MYOCD: variants seen among roughly 807,000 people sequenced by gnomAD.
The protein encoded by MYOCD is myocardin.
A neutral mutation model predicts 96.1 loss-of-function variants in MYOCD; 32 were observed. The observed-to-expected ratio is 0.33, with a 90% CI of 0.25 to 0.45. The LOEUF (loss-of-function observed/expected upper bound fraction) is 0.45. MYOCD is among the 20% of genes least tolerant of loss of function. The pLI is 1.00. For synonymous variants in MYOCD, 469 were observed against 469.0 expected (o/e 1.00, Z 0.00); for missense variants, 1,133 against 1,200.6 (o/e 0.94, Z 0.83).
chr17:12,681,117 A>C (rs1312347220), intron 1 of MYOCD, among the ~76,000 whole-genome samples: 1 of 152,164 alleles, frequency 6.6e-6, no homozygotes, highest in East Asian at 1.9e-4. Context: ...GATCTCATGC[A>C]CCTTTGGATT....
chr17:12,668,765 C>T (rs138086510), intron 1 of MYOCD, among the ~76,000 whole-genome samples: 354 of 151,686 alleles, frequency 2.3e-3, no homozygotes, highest in African/African-American at 8.1e-3. Flanking sequence ...ACTTGCCTCA[C>T]CTGAATAAAG....
At chr17:12,708,723 A>G (rs1195472717) in intron 2 of MYOCD, among the ~76,000 whole-genome samples, 1 of 152,086 alleles carries the variant, frequency 6.6e-6, no homozygotes, top group Admixed American at 6.5e-5. Context: ...CGACAGAAGC[A>G]CCTGCCACCA....
At chr17:12,747,269 A>G (rs973192711) in intron 9 of MYOCD, among the ~76,000 whole-genome samples, 1 of 152,198 alleles carries the variant, frequency 6.6e-6, no homozygotes, top group African/African-American at 2.4e-5. Flanking sequence ...GTGAGTGGAA[A>G]GAGAGAGATG....
chr17:12,744,745 A>G lies in MYOCD; in HGVS notation c.971+309A>G, dbSNP rs145914131. Among the ~76,000 whole-genome samples the G allele has an allele frequency of 2.8e-3, 432 of 152,352 alleles. 4 individuals are homozygous for G. The highest frequency in any genetic ancestry group is 9.8e-3 in the African/African-American group (407 of 41,588). On this transcript the variant is annotated intron_variant, in intron 8 of 13. Coordinates refer to ENST00000425538, the MANE Select transcript of MYOCD (RefSeq NM_001146312.3). Reference sequence around the variant, plus strand: ...TTTCTTAGGCATATATACCTGTGATAAGGTTTCACTTATAAATTAGGCACA... The same window carrying G: ...TTTCTTAGGCATATATACCTGTGATGAGGTTTCACTTATAAATTAGGCACA...
chr17:12,723,872 C>T (rs1223010832), intron 5 of MYOCD, among the ~76,000 whole-genome samples: 2 of 152,104 alleles, frequency 1.3e-5, no homozygotes, highest in Non-Finnish European at 2.9e-5. Flanking sequence ...GCATTTTATC[C>T]AAAACTAAGT....
chr17:12,739,355 T>C (rs774373349), intron 7 of MYOCD, 27 bp downstream of exon 7: 4 of 1,510,396 alleles, frequency 2.6e-6, no homozygotes, highest in East Asian at 2.4e-5. Context: ...CTCCAAGCCC[T>C]GCCTGAGCGC....
chr17:12,758,146 T>C lies in MYOCD; in HGVS notation c.2264T>C (p.Phe755Ser). Reference sequence around the variant, plus strand: ...AAGTTTTCAATTCCATCCCCAACTTTTTCTAAGTCAAGTTCAGCAATTTCA... The same window carrying C: ...AAGTTTTCAATTCCATCCCCAACTTCTTCTAAGTCAAGTTCAGCAATTTCA... ...GPKFSIPSPTFSKSSSAISEV... is the reference protein window; with the variant it reads ...GPKFSIPSPTSSKSSSAISEV... Residue 755 changes from phenylalanine (F) to serine (S), a missense_variant, in exon 12 of 14, where the codon TTT (phenylalanine) becomes TCT (serine). Phe to Ser is a radical substitution (Grantham distance 155). Coordinates refer to ENST00000425538, the MANE Select transcript of MYOCD (RefSeq NM_001146312.3). 1 of 1,614,188 alleles carries C rather than the reference T, an allele frequency of 6.2e-7. No homozygotes were observed. Among genetic ancestry groups the C allele is most frequent in the Non-Finnish European group, 8.5e-7 (1 of 1,180,030 alleles).
intron 10 of MYOCD, among the ~76,000 whole-genome samples, chr17:12,755,481 A>C (rs770834783): frequency 1.3e-5 from 2 of 152,094 alleles, no homozygotes; most frequent in African/African-American, 2.4e-5. Flanking sequence ...ACAGTGGCTC[A>C]TGCCTGTAAT....
chr17:12,722,863 G>T lies in MYOCD; in HGVS notation c.270G>T (p.Arg90Ser). The T allele has an allele frequency of 1.2e-6, 2 of 1,613,438 alleles. No homozygotes were observed. Among genetic ancestry groups the T allele is most frequent in the Non-Finnish European group, 1.7e-6 (2 of 1,179,690 alleles). The change falls in exon 5 of 14, where the codon AGG (arginine) becomes AGT (serine). Residue 90 changes from arginine (R) to serine (S), a missense_variant. Coordinates refer to ENST00000425538, the MANE Select transcript of MYOCD (RefSeq NM_001146312.3). The part of the protein sequence containing the change: ...MHILQASTAE[R>S]SIPTAQMKLK... ...ACCCTTTAGCTTCCACTGCAGAGAG[G>T]TCCATTCCAACTGCTCAGATGAAGC...
chr17:12,756,571 A>C lies in MYOCD; in HGVS notation c.2202+14A>C. On this transcript the variant is annotated intron_variant, in intron 11 of 13. Coordinates refer to ENST00000425538, the MANE Select transcript of MYOCD (RefSeq NM_001146312.3). ...GTACAGCAAAAGGTAGGCACCTGAA[A>C]AAAGGCCTCAACCTGGGATTCACTT... The C allele has an allele frequency of 1.3e-6, 2 of 1,546,960 alleles. No individual in the cohort carries two copies. Among genetic ancestry groups the C allele is most frequent in the East Asian group, 2.5e-5 (1 of 40,788 alleles).
intron 5 of MYOCD, among the ~76,000 whole-genome samples, chr17:12,728,091 T>C (rs140507162): frequency 4.4e-4 from 67 of 152,278 alleles, no homozygotes; most frequent in African/African-American, 1.5e-3. Flanking sequence ...ACCAAAAGCA[T>C]TGTGTTACAT....
chr17:12,749,682 C>T (rs1567598143), intron 9 of MYOCD, among the ~76,000 whole-genome samples: 1 of 145,416 alleles, frequency 6.9e-6, no homozygotes, highest in African/African-American at 2.5e-5. Context: ...TATACACATA[C>T]ATATGTGTAT....
Position 12,745,990 on chromosome 17 carries a change from C to A in MYOCD, c.1043C>A (p.Pro348His). The A allele has an allele frequency of 6.2e-7, 1 of 1,614,204 alleles. No individual in the cohort carries two copies. The highest frequency in any genetic ancestry group is 8.5e-7 in the Non-Finnish European group (1 of 1,180,018). The change falls in exon 9 of 14, where the codon CCT becomes CAT. Residue 348 changes from proline (P) to histidine (H), a missense_variant. Pro to His is a moderately conservative substitution (Grantham distance 77, BLOSUM62 -2). Transcript: ENST00000425538. ...STPLSNTPLSPVKNSFSGQTG... is the reference protein window; with the variant it reads ...STPLSNTPLSHVKNSFSGQTG... ...CCACTGAGCAATACCCCCTTGTCTC[C>A]TGTCAAAAACAGTTTTTCTGGACAA...
At chr17:12,742,493 C>G (rs188318568) in intron 7 of MYOCD, among the ~76,000 whole-genome samples, 2 of 152,266 alleles carry the variant, frequency 1.3e-5, no homozygotes, top group South Asian at 2.1e-4. Flanking sequence ...TTCCAATGTT[C>G]CCCCAAATCC....
intron 4 of MYOCD, among the ~76,000 whole-genome samples, chr17:12,719,203 A>AAAAAAAAAAAAAAAAACAT (rs2031746042): frequency 6.8e-6 from 1 of 147,988 alleles, no homozygotes; most frequent in Non-Finnish European, 1.5e-5. Context: ...AAAAAAAAAA[A>AAAAAAAAAAAAAAAAACAT]AGACATACAG....
At chr17:12,680,256 G>A (rs547610455) in intron 1 of MYOCD, among the ~76,000 whole-genome samples, 19 of 152,262 alleles carry the variant, frequency 1.2e-4, no homozygotes, top group Middle Eastern at 3.4e-3. Flanking sequence ...GATGCCCACG[G>A]TTAACCTCAT....
chr17:12,720,797 C>T (rs1010203855), intron 4 of MYOCD, among the ~76,000 whole-genome samples: 1 of 151,930 alleles, frequency 6.6e-6, no homozygotes, highest in Admixed American at 6.6e-5. Context: ...CCGAGGCGGG[C>T]GGATCATAAG....
At chr17:12,695,030 A>T (rs1468234338) in intron 1 of MYOCD, among the ~76,000 whole-genome samples, 4 of 152,102 alleles carry the variant, frequency 2.6e-5, no homozygotes, top group Non-Finnish European at 4.4e-5. Flanking sequence ...TTATAATGTG[A>T]TCCCACACAA....
rs200094820 is a variant in MYOCD at position 12,752,522 on chromosome 17, G to A, written c.1234G>A (p.Val412Met). The A allele has an allele frequency of 6.2e-7, 1 of 1,614,048 alleles. No individual in the cohort carries two copies. The highest frequency in any genetic ancestry group is 8.5e-7 in the Non-Finnish European group (1 of 1,180,050). Residue 412 changes from valine to methionine, a missense_variant, in exon 10 of 14, where the codon GTG (valine) becomes ATG (methionine). Transcript: ENST00000425538. ...RPFQDCSGNP[V>M]PNFGDITTVT... ...CTTCCAGGACTGCTCTGGCAACCCA[G>A]TGCCGAACTTTGGGGATATAACGAC...
Sources: allele counts gnomAD v4.1 joint callset (sites outside exome capture counted in the v4.1 genomes callset), GRCh38; gene constraint gnomAD v4.1.1; transcripts MANE v1.5; gene names NCBI Gene and HGNC (gene_info 2026-07-23, HGNC 2026-07-21).